CNBD1: variants seen among roughly 807,000 people sequenced by gnomAD.
CNBD1 encodes the protein cyclic nucleotide binding domain containing 1, also known as cyclic nucleotide-binding domain-containing protein 1.
Under a neutral mutation model 54.4 loss-of-function variants are expected in CNBD1, and 71 were observed. The ratio of observed to expected loss-of-function variants is 1.30; its 90% CI spans 1.08 to 1.59. CNBD1 has a LOEUF of 1.59. Among genes scored for constraint, CNBD1 ranks in the 40% most tolerant of loss-of-function variants. The probability of loss-of-function intolerance (pLI) is 0.00; values close to 1 mark genes in which losing one functional copy is unlikely to be tolerated. For synonymous variants in CNBD1, 182 were observed against 170.7 expected, an observed-to-expected ratio of 1.07 and a Z score of -0.51; for missense variants, 659 against 518.0, an observed-to-expected ratio of 1.27 and a Z score of -2.64.
At chr8:86,995,533 G>C (rs1029640027) in intron 4 of CNBD1, among the ~76,000 whole-genome samples, 2 of 152,148 alleles carry the variant, frequency 1.3e-5, no homozygotes, top group Non-Finnish European at 2.9e-5. Flanking sequence ...TGGAAATTCA[G>C]GTAGAGTTTT....
In CNBD1 at chr8:87,236,952, A is replaced by G. The variant is rs1232340217; in HGVS notation, c.611A>G (p.Lys204Arg). The stretch of plus-strand genomic sequence containing the variant: ...AATGATGGATTTTATGTAATACTGA[A>G]AGGCCTAGCTCGACCTCAAACAAAC... Reference protein sequence around the residue: ...VANDGFYVILKGLARPQTNVY... With the variant: ...VANDGFYVILRGLARPQTNVY... Residue 204 changes from lysine to arginine, a missense_variant, in exon 6 of 11, where the codon AAA becomes AGA. Lys to Arg is a conservative substitution (Grantham distance 26). Transcript: ENST00000518476. 1 of 1,607,346 alleles carries G rather than the reference A, an allele frequency of 6.2e-7. No individual in the cohort carries two copies. Among genetic ancestry groups the G allele is most frequent in the South Asian group, 1.1e-5 (1 of 90,164 alleles).
intron 4 of CNBD1, among the ~76,000 whole-genome samples, chr8:87,194,769 T>C (rs1045271178): frequency 2.0e-5 from 3 of 152,210 alleles, no homozygotes; most frequent in African/African-American, 4.8e-5. Context: ...ACTGGAGTTA[T>C]TTGATTTACA....
At chr8:87,377,630 T>C (rs900465440) in intron 10 of CNBD1, among the ~76,000 whole-genome samples, 6 of 150,692 alleles carry the variant, frequency 4.0e-5, no homozygotes, top group Non-Finnish European at 5.9e-5. Context: ...CATGTGTCTT[T>C]ATAGCAGCAT....
In CNBD1 at chr8:87,351,752, T is replaced by C; in HGVS notation, c.1110T>C (p.Tyr370=). Residue 370 remains tyrosine, a synonymous_variant, in exon 9 of 11, where the codon TAT becomes TAC. Coordinates refer to ENST00000518476, the MANE Select transcript of CNBD1 (RefSeq NM_173538.3). The part of the protein sequence containing the change: ...GYINSGCCNI[Y]RSIIGFVKLR... ...TTAACTCTGGATGCTGTAACATTTA[T>C]AGAAGTATTATAGGATTTGTGAAAC... The C allele has an allele frequency of 2.0e-6, 3 of 1,529,340 alleles. No individual in the cohort carries two copies. Among genetic ancestry groups the C allele is most frequent in the Non-Finnish European group, 2.6e-6 (3 of 1,143,734 alleles). The allele number at this position is 1,529,340 out of a possible 1,614,324, so 94.7% of individuals were successfully genotyped here. A position where few individuals can be genotyped will look rare whatever the true frequency, so the allele number is the denominator to read the frequency against.
chr8:87,339,695 T>C (rs1345619028), intron 8 of CNBD1, among the ~76,000 whole-genome samples: 1 of 152,112 alleles, frequency 6.6e-6, no homozygotes, highest in Non-Finnish European at 1.5e-5. Flanking sequence ...TTTCCTTTTT[T>C]CCTTTGGTTA....
intron 4 of CNBD1, among the ~76,000 whole-genome samples, chr8:86,973,066 A>T (rs1388409151): frequency 1.3e-5 from 2 of 152,138 alleles, no homozygotes; most frequent in African/African-American, 2.4e-5. Context: ...TGATGAATCT[A>T]TGTAAGCATA....
intron 8 of CNBD1, among the ~76,000 whole-genome samples, chr8:87,345,775 A>G (rs1810162405): frequency 6.6e-6 from 1 of 152,158 alleles, no homozygotes; most frequent in South Asian, 2.1e-4. Context: ...TTCCACCAAA[A>G]CTAGTTGTGA....
chr8:87,074,589 G>A (rs989785088), intron 4 of CNBD1, among the ~76,000 whole-genome samples: 20 of 152,134 alleles, frequency 1.3e-4, no homozygotes, highest in African/African-American at 4.8e-4. Context: ...GGGATCTCCT[G>A]ATATATGGGT....
intron 6 of CNBD1, among the ~76,000 whole-genome samples, chr8:87,242,325 A>G (rs927740757): frequency 6.6e-6 from 1 of 152,160 alleles, no homozygotes. Context: ...ATTAGCTAAG[A>G]ATCTGGCACC....
At chr8:87,230,234 G>A (rs1032626847) in intron 5 of CNBD1, among the ~76,000 whole-genome samples, 3 of 152,124 alleles carry the variant, frequency 2.0e-5, no homozygotes, top group African/African-American at 7.2e-5. Context: ...TCACACCCAT[G>A]ATCCAATCAC....
At chr8:87,261,217 C>G (rs1159118580) in intron 6 of CNBD1, among the ~76,000 whole-genome samples, 1 of 152,018 alleles carries the variant, frequency 6.6e-6, no homozygotes, top group Admixed American at 6.6e-5. Context: ...TCAGAGAGCT[C>G]AAAACACAAA....
intron 2 of CNBD1, among the ~76,000 whole-genome samples, chr8:87,389,472 G>A (rs1386694127): frequency 6.6e-6 from 1 of 152,118 alleles, no homozygotes; most frequent in African/African-American, 2.4e-5. Flanking sequence ...CAAACAGAGA[G>A]CCAAATCATG....
At chr8:87,349,801 G>A (rs928903810) in intron 8 of CNBD1, among the ~76,000 whole-genome samples, 1 of 152,164 alleles carries the variant, frequency 6.6e-6, no homozygotes, top group Admixed American at 6.5e-5. Flanking sequence ...ACAATGATTC[G>A]AGTAGCCAGT....
chr8:87,092,503 A>ATACACATATG (rs1323667321), intron 4 of CNBD1, among the ~76,000 whole-genome samples: 3 of 142,648 alleles, frequency 2.1e-5, no homozygotes, highest in Non-Finnish European at 4.6e-5. Context: ...GTGTATATAT[A>ATACACATATG]TGTGTGTGTG....
chr8:86,999,751 T>C (rs1808954587), intron 4 of CNBD1, among the ~76,000 whole-genome samples: 1 of 152,172 alleles, frequency 6.6e-6, no homozygotes, highest in African/African-American at 2.4e-5. Context: ...TTCACTTGGC[T>C]TGAGATAAAA....
chr8:87,245,923 A>G (rs1807794454), intron 6 of CNBD1, among the ~76,000 whole-genome samples: 1 of 152,068 alleles, frequency 6.6e-6, no homozygotes, highest in South Asian at 2.1e-4. Context: ...ATGATAAGAA[A>G]ACTAGTAATA....
At chr8:87,365,629 G>A (rs1043741744) in intron 10 of CNBD1, among the ~76,000 whole-genome samples, 5 of 151,960 alleles carry the variant, frequency 3.3e-5, no homozygotes, top group African/African-American at 1.2e-4. Context: ...AGGTCCACTT[G>A]TAAGTAGATT....
chr8:87,418,432 T>C (rs1807871422), intron 2 of CNBD1, among the ~76,000 whole-genome samples: 1 of 151,946 alleles, frequency 6.6e-6, no homozygotes, highest in Non-Finnish European at 1.5e-5. Flanking sequence ...GATGTAAATG[T>C]TTATAACCTT....
At chr8:87,378,553 G>A (rs1157863484) in intron 10 of CNBD1, among the ~76,000 whole-genome samples, 1 of 150,692 alleles carries the variant, frequency 6.6e-6, no homozygotes, top group South Asian at 2.1e-4. Context: ...TTTGGTTACT[G>A]TAGCCTTGTT....
Sources: allele counts gnomAD v4.1 joint callset (sites outside exome capture counted in the v4.1 genomes callset), GRCh38; gene constraint gnomAD v4.1.1; transcripts MANE v1.5; gene names NCBI Gene and HGNC (gene_info 2026-07-23, HGNC 2026-07-21).